Variants in MACROD1 observed in about 807,000 individuals in gnomAD.
MACROD1 encodes ADP-ribose glycohydrolase MACROD1.
MACROD1 carries 31 observed loss-of-function variants against 41.4 expected under a neutral mutation model. The ratio of observed to expected loss-of-function variants is 0.75; its 90% confidence interval spans 0.56 to 1.01. The LOEUF is 1.01. Ranked by LOEUF, MACROD1 falls within the 50% of genes least tolerant of loss-of-function variation. The probability of loss-of-function intolerance (pLI) is 0.00; values close to 1 mark genes in which losing one functional copy is unlikely to be tolerated. For missense variants in MACROD1, 473 were observed against 460.0 expected (o/e 1.03, Z -0.26); for synonymous variants, 252 against 203.4 (o/e 1.24, Z -2.03).
chr11:64,055,118 T>C (rs1404575878), intron 3 of MACROD1, among the ~76,000 whole-genome samples: 1 of 152,128 alleles, frequency 6.6e-6, no homozygotes, highest in East Asian at 1.9e-4. Context: ...AACCTGTGTG[T>C]CCTGAGAGCA....
chr11:63,999,528 AC>A lies in MACROD1; in HGVS notation c.817+1del. The A allele has an allele frequency of 1.2e-6, 2 of 1,607,298 alleles. No individual in the cohort carries two copies. The highest frequency in any genetic ancestry group is 1.3e-5 in the African/African-American group (1 of 74,892). On this transcript the variant is annotated splice_donor_variant, in intron 7 of 10. Transcript: ENST00000255681. LOFTEE classifies it high-confidence loss of function. ...TGGTCCTTGCCTTTCTTCCAGACTC[AC>A]CAAACACGCCGGTGGAGATGCAGGG...
chr11:64,041,199 TAAAAAAAAAAAAA>T (rs71045724), intron 3 of MACROD1, among the ~76,000 whole-genome samples: 978 of 21,640 alleles, frequency 0.045, 45 homozygotes, highest in African/African-American at 0.15. Context: ...TAGCAAACTG[TAAAAAAAAAAAAA>T]AAAAAAAAAA....
At chr11:64,075,842 T>C (rs190491525) in intron 3 of MACROD1, among the ~76,000 whole-genome samples, 1 of 152,322 alleles carries the variant, frequency 6.6e-6, no homozygotes, top group East Asian at 1.9e-4. Flanking sequence ...CCAGCTAATT[T>C]TGTACTTTTT....
chr11:64,090,833 G>A lies in MACROD1; in HGVS notation c.517+60406C>T, dbSNP rs543255029. 6.6e-6 allele frequency among the ~76,000 whole-genome samples: 1 copy of A among 152,130 alleles called. No individual in the cohort carries two copies. The highest frequency in any genetic ancestry group is 2.4e-5 in the African/African-American group (1 of 41,494). ...GCTCTGCAGAAGCAGAGCCCGAGTC[G>A]GGTCCAGCCCTGCACTCCCAGGGAG... On this transcript the variant is annotated intron_variant, in intron 3 of 10. Coordinates refer to ENST00000255681, the MANE Select transcript of MACROD1 (RefSeq NM_014067.4). This position sits in a 1 kb window ranked among gnomAD's most constrained non-coding sequence, Gnocchi z 4.7.
At chr11:64,123,150 GC>G (rs972702676) in intron 3 of MACROD1, among the ~76,000 whole-genome samples, 13 of 152,204 alleles carry the variant, frequency 8.5e-5, no homozygotes, top group African/African-American at 3.1e-4. Flanking sequence ...AGGGACCTGT[GC>G]CCCCAAGGGC....
At chr11:64,048,034 A>G (rs554299280) in intron 3 of MACROD1, among the ~76,000 whole-genome samples, 1 of 152,100 alleles carries the variant, frequency 6.6e-6, no homozygotes, top group Admixed American at 6.5e-5. Context: ...CAGAGTGGGG[A>G]TGCTGGCAGG....
intron 3 of MACROD1, chr11:64,119,205 C>T (rs1459188495): frequency 6.0e-6 from 1 of 166,440 alleles, no homozygotes; most frequent in Admixed American, 6.5e-5. Flanking sequence ...AGTAAGTAGA[C>T]CGTGTGTTGG....
At chr11:64,027,840 G>T (rs1295079619) in intron 3 of MACROD1, among the ~76,000 whole-genome samples, 1 of 152,194 alleles carries the variant, frequency 6.6e-6, no homozygotes. Context: ...ATTTGAAACC[G>T]AGGCCCTAGA....
intron 3 of MACROD1, among the ~76,000 whole-genome samples, chr11:64,115,949 G>C (rs1486563436): frequency 2.0e-5 from 3 of 152,188 alleles, no homozygotes. Flanking sequence ...GGAGGGCCGC[G>C]GCAGCACGGG....
intron 3 of MACROD1, among the ~76,000 whole-genome samples, chr11:64,033,837 G>GC (rs1002838352): frequency 2.6e-5 from 4 of 151,524 alleles, no homozygotes; most frequent in Non-Finnish European, 4.4e-5. Context: ...GTGAAACGCC[G>GC]CCCCCCCAAA....
chr11:64,072,470 G>C (rs775376242), intron 3 of MACROD1, among the ~76,000 whole-genome samples: 1 of 152,054 alleles, frequency 6.6e-6, no homozygotes, highest in South Asian at 2.1e-4. Context: ...AATATGAAAC[G>C]TACATGTGGC....
chr11:64,023,358 G>C (rs1333636746), intron 3 of MACROD1, among the ~76,000 whole-genome samples: 1 of 152,080 alleles, frequency 6.6e-6, no homozygotes, highest in Non-Finnish European at 1.5e-5. Flanking sequence ...CACCTCCTGG[G>C]GCCTCAGTTT....
intron 3 of MACROD1, among the ~76,000 whole-genome samples, chr11:64,136,523 G>T (rs577046228): frequency 4.6e-4 from 70 of 152,334 alleles, no homozygotes; most frequent in African/African-American, 1.5e-3. Flanking sequence ...GAGGGGAGGG[G>T]CCTGCCTGGA....
intron 3 of MACROD1, among the ~76,000 whole-genome samples, chr11:64,017,380 T>C (rs1943095797): frequency 6.6e-6 from 1 of 152,070 alleles, no homozygotes; most frequent in Non-Finnish European, 1.5e-5. Flanking sequence ...GGTGCGATGG[T>C]TCCCATTTTA....
At chr11:64,040,439 C>T (rs1408179372) in intron 3 of MACROD1, among the ~76,000 whole-genome samples, 1 of 152,114 alleles carries the variant, frequency 6.6e-6, no homozygotes, top group Non-Finnish European at 1.5e-5. Context: ...AGGGCTGGGG[C>T]TGGTGGGCTG....
intron 1 of MACROD1, among the ~76,000 whole-genome samples, chr11:64,165,244 C>T (rs1257863682): frequency 1.3e-5 from 2 of 152,198 alleles, no homozygotes; most frequent in Admixed American, 6.5e-5. Flanking sequence ...GCCCCATTCC[C>T]GAACACTTAA....
chr11:64,147,857 C>T (rs1425800291), intron 3 of MACROD1, among the ~76,000 whole-genome samples: 2 of 152,094 alleles, frequency 1.3e-5, no homozygotes, highest in Non-Finnish European at 2.9e-5. Context: ...ATCCTCCTGC[C>T]TCAGCCTCCT....
At chr11:64,154,240 G>A (rs527962678) in intron 1 of MACROD1, among the ~76,000 whole-genome samples, 1 of 152,216 alleles carries the variant, frequency 6.6e-6, no homozygotes, top group Non-Finnish European at 1.5e-5. Flanking sequence ...CAAAGCCCAG[G>A]CATGCAAAAC....
chr11:64,116,288 C>T (rs746555247), intron 3 of MACROD1: 30 of 1,600,654 alleles, frequency 1.9e-5, no homozygotes, highest in Admixed American at 6.7e-5. Context: ...CACACCCCAC[C>T]GCCACTGCCA....
Sources: allele counts gnomAD v4.1 joint callset (sites outside exome capture counted in the v4.1 genomes callset), GRCh38; gene constraint gnomAD v4.1.1; non-coding constraint Gnocchi (gnomAD v3.1); transcripts MANE v1.5; gene names NCBI Gene and HGNC (gene_info 2026-07-23, HGNC 2026-07-21).